PSD3: variants seen among roughly 807,000 people sequenced by gnomAD.
PSD3 encodes the protein pleckstrin and Sec7 domain containing 3, also known as PH and SEC7 domain-containing protein 3.
In PSD3, 49 loss-of-function variants were observed where a neutral mutation model predicts 105.5. That is an observed-to-expected ratio of 0.46 (90% CI 0.37 to 0.59). The LOEUF is 0.59. Ranked by LOEUF, PSD3 falls within the 20% of genes least tolerant of loss-of-function variation. PSD3 has a pLI of 0.00. For synonymous variants in PSD3, 557 were observed against 457.8 expected (o/e 1.22, Z -2.77); for missense variants, 1,561 against 1,263.8 (o/e 1.24, Z -3.57).
At chr8:18,632,127 C>T (rs1168044483) in intron 11 of PSD3, among the ~76,000 whole-genome samples, 1 of 152,058 alleles carries the variant, frequency 6.6e-6, no homozygotes, top group Non-Finnish European at 1.5e-5. Flanking sequence ...CACCTGTCCA[C>T]CTTCTCAAAG....
At chr8:18,798,918 T>G (rs1247903736) in intron 8 of PSD3, among the ~76,000 whole-genome samples, 1 of 152,196 alleles carries the variant, frequency 6.6e-6, no homozygotes, top group African/African-American at 2.4e-5. Context: ...CACTATGGTA[T>G]GTAGGGAAAA....
At chr8:18,900,965 T>C (rs1586368526) in intron 2 of PSD3, among the ~76,000 whole-genome samples, 2 of 152,196 alleles carry the variant, frequency 1.3e-5, no homozygotes, top group East Asian at 3.8e-4. Flanking sequence ...CTACAGTTAA[T>C]TGTATGCAGT....
At chr8:18,542,973 G>A (rs974584688) in intron 15 of PSD3, among the ~76,000 whole-genome samples, 3 of 152,108 alleles carry the variant, frequency 2.0e-5, no homozygotes, top group Non-Finnish European at 4.4e-5. Flanking sequence ...TGCTCCAACA[G>A]GGTAAATAGA....
intron 11 of PSD3, among the ~76,000 whole-genome samples, chr8:18,616,916 C>T (rs1481627933): frequency 1.3e-5 from 2 of 152,102 alleles, no homozygotes; most frequent in Non-Finnish European, 2.9e-5. Context: ...AGCCACCGCG[C>T]CCGGCCATCT....
intron 8 of PSD3, among the ~76,000 whole-genome samples, chr8:18,792,356 A>G (rs1296724014): frequency 6.6e-6 from 1 of 152,244 alleles, no homozygotes; most frequent in East Asian, 1.9e-4. Flanking sequence ...TGTAGTACAT[A>G]TACACCATGG....
At chr8:18,835,449 A>C (rs1343645165) in intron 4 of PSD3, among the ~76,000 whole-genome samples, 1 of 152,212 alleles carries the variant, frequency 6.6e-6, no homozygotes, top group Non-Finnish European at 1.5e-5. Context: ...TGCCTACTAC[A>C]TACTACATTC....
chr8:18,893,454 G>A (rs1563392335), intron 2 of PSD3, among the ~76,000 whole-genome samples: 1 of 152,136 alleles, frequency 6.6e-6, no homozygotes, highest in Non-Finnish European at 1.5e-5. Context: ...CTAGCCTTTG[G>A]TTAAATTAGG....
At position 18,979,545 on chromosome 8, in the gene PSD3, C is replaced by CT. The variant is rs1405274880; in HGVS notation, c.21+34017dup. ...TTTATTATTTTACTACTAATATCTC[C>CT]TTACAGCTTATACATGAGTGAAGCA... On this transcript the variant is annotated intron_variant, in intron 1 of 15. Transcript: ENST00000327040. 5.9e-5 allele frequency: 9 copies of CT among 152,314 alleles called. No homozygotes were observed. In the East Asian group the frequency reaches 1.7e-3, roughly 29 times the overall value. The allele number at this position is 152,314 out of a possible 1,614,324, so 9.4% of individuals were successfully genotyped here.
chr8:18,943,194 C>A (rs527870459), intron 1 of PSD3, among the ~76,000 whole-genome samples: 11 of 152,338 alleles, frequency 7.2e-5, no homozygotes, highest in African/African-American at 2.6e-4. Context: ...CTCAACCCCA[C>A]ACCACTTTTG....
intron 4 of PSD3, among the ~76,000 whole-genome samples, chr8:18,811,778 A>C (rs1275923599): frequency 6.6e-6 from 1 of 152,180 alleles, no homozygotes; most frequent in Non-Finnish European, 1.5e-5. Flanking sequence ...TGAACGGAGA[A>C]TACCCAGAGA....
chr8:18,687,486 T>G (rs1197797065), intron 9 of PSD3, among the ~76,000 whole-genome samples: 2 of 94,164 alleles, frequency 2.1e-5, no homozygotes, highest in African/African-American at 6.8e-5. Context: ...AATTTAGCAG[T>G]TTTTTTTTTT....
upstream of PSD3, among the ~76,000 whole-genome samples, chr8:19,017,664 G>A (rs1341421417): frequency 6.6e-6 from 1 of 152,152 alleles, no homozygotes; most frequent in East Asian, 1.9e-4. Context: ...CATAAAATAT[G>A]TGGTCTTTGT....
intron 6 of PSD3, among the ~76,000 whole-genome samples, chr8:18,803,840 T>TC (rs1257115995): frequency 2.0e-5 from 3 of 151,996 alleles, no homozygotes; most frequent in African/African-American, 7.3e-5. Context: ...AAGAAGAGAA[T>TC]CATGGAGATG....
intron 1 of PSD3, among the ~76,000 whole-genome samples, chr8:19,059,001 G>T (rs1828800550): frequency 6.6e-6 from 1 of 152,140 alleles, no homozygotes; most frequent in Non-Finnish European, 1.5e-5. Context: ...AGCATATATG[G>T]CTGGCAAGAG....
chr8:18,815,793 C>T (rs749738882), intron 4 of PSD3, among the ~76,000 whole-genome samples: 7 of 152,016 alleles, frequency 4.6e-5, no homozygotes, highest in African/African-American at 7.3e-5. Context: ...TCTTTATGCA[C>T]GCTACAGGCA....
At chr8:18,589,349 A>T (rs1803430602) in intron 12 of PSD3, among the ~76,000 whole-genome samples, 1 of 152,174 alleles carries the variant, frequency 6.6e-6, no homozygotes, top group African/African-American at 2.4e-5. Flanking sequence ...TGAGAATTTT[A>T]GAAGGATGCG....
intron 4 of PSD3, among the ~76,000 whole-genome samples, chr8:18,844,023 G>C (rs1814870310): frequency 6.6e-6 from 1 of 151,070 alleles, no homozygotes; most frequent in Non-Finnish European, 1.5e-5. Flanking sequence ...CCTACACAAG[G>C]TTCTGTCCAT....
intron 10 of PSD3, among the ~76,000 whole-genome samples, chr8:18,636,203 G>C (rs1257272785): frequency 6.6e-6 from 1 of 152,088 alleles, no homozygotes; most frequent in African/African-American, 2.4e-5. Flanking sequence ...GTGTGTATTT[G>C]TGTTCTAATT....
intron 6 of PSD3, chr8:18,803,192 C>T (rs1377390344): frequency 8.8e-6 from 2 of 226,890 alleles, no homozygotes; most frequent in East Asian, 1.9e-4. Flanking sequence ...GAGGCTGATT[C>T]AGGAGAACTG....
Sources: gnomAD v4.1 joint callset for allele counts (sites outside exome capture counted in the v4.1 genomes callset) on GRCh38, gnomAD v4.1.1 for gene constraint, MANE v1.5 for transcripts, NCBI Gene and HGNC (gene_info 2026-07-23, HGNC 2026-07-21) for gene names.